VPS37C: variants seen among roughly 807,000 people sequenced by gnomAD.
The protein encoded by VPS37C is vacuolar protein sorting-associated protein 37C.
In VPS37C, 9 loss-of-function variants were observed where a neutral mutation model predicts 16.1. The observed-to-expected ratio is 0.56, with a 90% CI of 0.34 to 0.97. The LOEUF (loss-of-function observed/expected upper bound fraction) is 0.97. Among genes scored for constraint, VPS37C ranks in the 50% least tolerant of loss-of-function variants. VPS37C has a pLI of 0.02. For synonymous variants in VPS37C, 207 were observed against 206.4 expected (o/e 1.00, Z -0.02); for missense variants, 479 against 472.7 (o/e 1.01, Z -0.12).
chr11:61,138,470 T>A (rs1386093656), intron 2 of VPS37C: 1 of 432,040 alleles, frequency 2.3e-6, no homozygotes, highest in South Asian at 3.1e-5. Context: ...GCCTCCAGAT[T>A]TGGGCTGGAA....
chr11:61,146,709 A>T (rs1853211774), intron 1 of VPS37C, among the ~76,000 whole-genome samples: 1 of 152,236 alleles, frequency 6.6e-6, no homozygotes, highest in Admixed American at 6.5e-5. Context: ...TGAGAAAGCT[A>T]TGCGTGAGCC....
At chr11:61,146,327 C>T (rs1173555126) in intron 1 of VPS37C, among the ~76,000 whole-genome samples, 7 of 152,246 alleles carry the variant, frequency 4.6e-5, no homozygotes, top group Non-Finnish European at 1.5e-5. Flanking sequence ...ATGAGCCAGA[C>T]ATGGCATTCA....
At chr11:61,134,897 CCAGT>C (rs756908677) in intron 2 of VPS37C, among the ~76,000 whole-genome samples, 2 of 152,240 alleles carry the variant, frequency 1.3e-5, no homozygotes, top group South Asian at 2.1e-4. Flanking sequence ...TCGCTGCCAG[CCAGT>C]GAGACAGAAG....
chr11:61,157,806 T>C (rs560905286), intron 1 of VPS37C, among the ~76,000 whole-genome samples: 4 of 152,350 alleles, frequency 2.6e-5, no homozygotes, highest in African/African-American at 9.6e-5. Context: ...ATGTTGGAGG[T>C]AGGGCCTAGT....
At chr11:61,156,324 C>T (rs1338017352) in intron 1 of VPS37C, among the ~76,000 whole-genome samples, 3 of 152,170 alleles carry the variant, frequency 2.0e-5, no homozygotes, top group South Asian at 4.1e-4. Context: ...CAGTTGTTCA[C>T]GCCTGTAAAC....
In VPS37C at chr11:61,138,719, A is replaced by G; in HGVS notation, c.93+18T>C. 1.9e-6 allele frequency: 3 copies of G among 1,613,684 alleles called. No homozygotes were observed. The highest frequency in any genetic ancestry group is 2.5e-6 in the Non-Finnish European group (3 of 1,179,598). ...CATCTGCTGGCCTCTGTTGGGTCCC[A>G]TACCAGCCTCCCTCTACCTCAGGGG... On this transcript the variant is annotated intron_variant, in intron 2 of 4. Transcript: ENST00000301765.
intron 1 of VPS37C, among the ~76,000 whole-genome samples, chr11:61,142,949 T>A (rs1590788782): frequency 7.3e-5 from 1 of 13,768 alleles, no homozygotes; most frequent in Non-Finnish European, 1.2e-4. Flanking sequence ...AAACTTAAAG[T>A]ATAATAAAAA....
intron 1 of VPS37C, among the ~76,000 whole-genome samples, chr11:61,152,853 AC>A (rs1219156209): frequency 2.6e-5 from 4 of 152,168 alleles, no homozygotes; most frequent in African/African-American, 9.7e-5. Context: ...ACTCTTTCCT[AC>A]ACTTTCCCCA....
intron 1 of VPS37C, chr11:61,143,964 C>T (rs1361195895): frequency 1.4e-5 from 2 of 143,888 alleles, no homozygotes; most frequent in African/African-American, 5.2e-5. Flanking sequence ...CCGGCCGATT[C>T]TTAATTTTTT....
intron 1 of VPS37C, chr11:61,143,486 TC>T (rs1861509792): frequency 6.9e-6 from 1 of 145,486 alleles, no homozygotes; most frequent in Admixed American, 7.0e-5. Context: ...CAAGCAATTC[TC>T]CTGCCTCAGC....
At chr11:61,151,911 T>C (rs1379433073) in intron 1 of VPS37C, among the ~76,000 whole-genome samples, 1 of 152,194 alleles carries the variant, frequency 6.6e-6, no homozygotes, top group African/African-American at 2.4e-5. Context: ...CTTTGGCCCA[T>C]GACTGACTTG....
chr11:61,138,946 C>T, intron 1 of VPS37C, 111 bp from the exon 2 acceptor site: 1 of 977,142 alleles, frequency 1.0e-6, no homozygotes, highest in Non-Finnish European at 1.6e-6. Context: ...TGCGATAATA[C>T]CACTCCACCG....
Position 61,132,042 on chromosome 11 carries a change from A to C in VPS37C, c.846T>G (p.Pro282=). The C allele has an allele frequency of 7.2e-7, 1 of 1,383,204 alleles. No individual in the cohort carries two copies. The highest frequency in any genetic ancestry group is 2.9e-5 in the East Asian group (1 of 34,096). The allele number at this position is 1,383,204 out of a possible 1,614,324, so 85.7% of individuals were successfully genotyped here. A position where few individuals can be genotyped will look rare whatever the true frequency, so the allele number is the denominator to read the frequency against. The change falls in exon 5 of 5, where the codon CCT becomes CCG. Residue 282 remains proline, a synonymous_variant. Coordinates refer to ENST00000301765, the MANE Select transcript of VPS37C (RefSeq NM_017966.5). ...YPGTPMGASG[P]GYPLRGGRAP... ...CCCTGCCTCCCCGCAAGGGGTACCC[A>C]GGCCCAGAGGCACCCATTGGGGTCC...
At chr11:61,161,352 C>A (rs1300611992) in intron 1 of VPS37C, 39 bp downstream of exon 1, 1 of 152,272 alleles carries the variant, frequency 6.6e-6, no homozygotes, top group African/African-American at 2.4e-5. Context: ...GCCCCGCCCG[C>A]CTGCGGCAGA....
Position 61,138,749 on chromosome 11 carries a change from C to T in VPS37C, c.81G>A (p.Leu27=). The change falls in exon 2 of 5, where the codon CTG becomes CTA. Residue 27 remains leucine (L), a synonymous_variant. Transcript: ENST00000301765. ...AGCCTCCCTCTACCTCAGGGGACTC[C>T]AGGGCCAGCTGGTCAATCGCCTCCG... ...NDSEAIDQLA[L]ESPEVQDLQL... 6.2e-7 allele frequency: 1 copy of T among 1,614,138 alleles called. No homozygotes were observed. Among genetic ancestry groups the T allele is most frequent in the Non-Finnish European group, 8.5e-7 (1 of 1,180,032 alleles).
At chr11:61,145,328 A>G (rs1182226342) in intron 1 of VPS37C, 1 of 152,246 alleles carries the variant, frequency 6.6e-6, no homozygotes, top group African/African-American at 2.4e-5. Flanking sequence ...GTGTTTAGCC[A>G]TAAGGCCCGA....
At chr11:61,137,702 C>A (rs1861404040) in intron 2 of VPS37C, among the ~76,000 whole-genome samples, 2 of 152,176 alleles carry the variant, frequency 1.3e-5, no homozygotes, top group South Asian at 4.1e-4. Context: ...TTGCTGAGGA[C>A]TAAAAAAGCC....
rs1861257612 is a variant in VPS37C at position 61,131,509 on chromosome 11, T to TGCTCATAAATGCGCACATGCGCTC, written c.*287_*310dup. On this transcript the variant is annotated 3_prime_UTR_variant, in exon 5 of 5. Transcript: ENST00000301765. ...GGCCCTGAGTGCAGCCGCAAGTAGATGCTCATAAATGCGCACATGCGCTCA... is the reference window on the plus strand; with the variant it reads ...GGCCCTGAGTGCAGCCGCAAGTAGATGCTCATAAATGCGCACATGCGCTCGCTCATAAATGCGCACATGCGCTCA... 1.3e-5 allele frequency: 4 copies of TGCTCATAAATGCGCACATGCGCTC among 314,656 alleles called. No individual in the cohort carries two copies. Among genetic ancestry groups the TGCTCATAAATGCGCACATGCGCTC allele is most frequent in the African/African-American group, 6.4e-5 (3 of 47,046 alleles). 19.5% of individuals were successfully genotyped at this position (314,656 alleles called of 1,614,324 possible).
intron 1 of VPS37C, chr11:61,144,931 G>A (rs948474716): frequency 6.6e-6 from 1 of 152,234 alleles, no homozygotes; most frequent in Non-Finnish European, 1.5e-5. Context: ...AATGAGGAGT[G>A]CTCAGGACCT....
Sources: allele counts gnomAD v4.1 joint callset (sites outside exome capture counted in the v4.1 genomes callset), GRCh38; gene constraint gnomAD v4.1.1; transcripts MANE v1.5; gene names NCBI Gene and HGNC (gene_info 2026-07-23, HGNC 2026-07-21).